The following KLF8 variants were observed in gnomAD, a reference collection of about 807,000 sequenced individuals.
The protein encoded by KLF8 is KLF transcription factor 8.
Under a neutral mutation model 18.2 loss-of-function variants are expected in KLF8, and 10 were observed. That is an observed-to-expected ratio of 0.55 (90% confidence interval 0.34 to 0.93). KLF8 has a LOEUF of 0.93. KLF8 is among the 40% of genes least tolerant of loss of function. The pLI is 0.02. For synonymous variants in KLF8, 109 were observed against 97.3 expected, an observed-to-expected ratio of 1.12 and a Z score of -0.71; for missense variants, 264 against 277.9, an observed-to-expected ratio of 0.95 and a Z score of 0.36.
At chrX:56,222,291 T>C in the KLF8 span, among the ~76,000 whole-genome samples, 1 of 105,483 alleles carries the variant, frequency 9.5e-6, no homozygotes, top group African/African-American at 3.5e-5. Flanking sequence ...TTGAGCTCGA[T>C]AGAGAGTGCC....
the KLF8 span, among the ~76,000 whole-genome samples, chrX:55,924,356 C>T: frequency 1.2e-4 from 14 of 112,076 alleles, no homozygotes; most frequent in East Asian, 3.4e-3. Flanking sequence ...GGATTACAGG[C>T]TTGAGCCACT....
At chrX:56,225,642 G>T in the KLF8 span, among the ~76,000 whole-genome samples, 16 of 111,966 alleles carry the variant, frequency 1.4e-4, no homozygotes, top group African/African-American at 5.2e-4. Flanking sequence ...CTTAGTCTGT[G>T]GCAAGTACTC....
chrX:56,014,817 G>GTTTTTTTTTTTTTTTTT, the KLF8 span: 2 of 59,370 alleles, frequency 3.4e-5, no homozygotes, highest in African/African-American at 7.2e-5. Context: ...ACAAGATCAT[G>GTTTTTTTTTTTTTTTTT]TTTTTTTTTT....
the KLF8 span, among the ~76,000 whole-genome samples, chrX:56,055,352 T>C: frequency 8.9e-6 from 1 of 112,108 alleles, no homozygotes; most frequent in African/African-American, 3.2e-5. Context: ...TTTGGCTATA[T>C]ATGAAATTCT....
chrX:56,043,941 C>T, the KLF8 span, among the ~76,000 whole-genome samples: 2 of 112,452 alleles, frequency 1.8e-5, no homozygotes, highest in African/African-American at 6.5e-5. Flanking sequence ...GTGGCTTTAT[C>T]TGCCTTCTAT....
chrX:56,093,905 ATGTGTGTGTGTGTGTGTGTGTGTGTG>A, the KLF8 span, among the ~76,000 whole-genome samples: 2 of 89,002 alleles, frequency 2.2e-5, no homozygotes, highest in African/African-American at 8.0e-5. Flanking sequence ...TATATATTAT[ATGTGTGTGTGTGTGTGTGTGTGTGTG>A]TGTGTGTGTG....
chrX:56,125,971 T>G, the KLF8 span, among the ~76,000 whole-genome samples: 1 of 112,400 alleles, frequency 8.9e-6, no homozygotes, highest in African/African-American at 3.2e-5. Context: ...ATTGTAGTGA[T>G]TTTTATAATA....
chrX:56,026,909 A>T, the KLF8 span, among the ~76,000 whole-genome samples: 1 of 112,865 alleles, frequency 8.9e-6, no homozygotes, highest in Non-Finnish European at 1.9e-5. Flanking sequence ...GAGCTACTCC[A>T]TAGGCTTGTA....
chrX:55,952,868 C>A, the KLF8 span, among the ~76,000 whole-genome samples: 233 of 111,535 alleles, frequency 2.1e-3, no homozygotes, highest in Middle Eastern at 9.2e-3. Context: ...TGCATTAATG[C>A]CATTATCTCA....
chrX:56,284,630 G>C lies in KLF8; in HGVS notation c.*136G>C. The stretch of plus-strand genomic sequence containing the variant: ...CCCACTGAGCCAAGTTGAGGAGACT[G>C]GAGGAAAAGAGAGCTGGTCTCCCGT... On this transcript the variant is annotated 3_prime_UTR_variant, in exon 6 of 6. Transcript: ENST00000468660. The C allele has an allele frequency of 2.2e-6, 1 of 448,326 alleles. No homozygotes were observed. The highest frequency in any genetic ancestry group is 4.3e-5 in the East Asian group (1 of 23,323). 36.9% of individuals were successfully genotyped at this position (448,326 alleles called of 1,213,427 possible). A position where few individuals can be genotyped will look rare whatever the true frequency, so the allele number is the denominator to read the frequency against.
the KLF8 span, among the ~76,000 whole-genome samples, chrX:56,165,395 A>T: frequency 1.8e-5 from 2 of 112,323 alleles, no homozygotes; most frequent in Non-Finnish European, 3.8e-5. Flanking sequence ...TGTAATGTGA[A>T]ACAATATCAG....
the KLF8 span, among the ~76,000 whole-genome samples, chrX:55,984,629 G>GGTATATTCCTTTGT: frequency 9.0e-6 from 1 of 111,065 alleles, no homozygotes; most frequent in South Asian, 3.8e-4. Flanking sequence ...TATTCCTTTG[G>GGTATATTCCTTTGT]GTATATAACC....
At chrX:56,121,601 G>T in the KLF8 span, among the ~76,000 whole-genome samples, 56 of 42,319 alleles carry the variant, frequency 1.3e-3, no homozygotes, top group African/African-American at 5.1e-3. Context: ...GCCTTCTTCA[G>T]CTTTTCTTTA....
the KLF8 span, among the ~76,000 whole-genome samples, chrX:56,021,943 T>C: frequency 2.9e-5 from 3 of 105,160 alleles, no homozygotes; most frequent in Non-Finnish European, 5.8e-5. Context: ...GTCCCAGAAA[T>C]GTGTGCAGAG....
the KLF8 span, among the ~76,000 whole-genome samples, chrX:56,100,399 A>T: frequency 8.9e-6 from 1 of 111,911 alleles, no homozygotes; most frequent in Admixed American, 9.5e-5. Context: ...TATGGCTAAG[A>T]CAACATCCAT....
the KLF8 span, among the ~76,000 whole-genome samples, chrX:56,156,710 C>A: frequency 9.3e-6 from 1 of 107,664 alleles, no homozygotes. Flanking sequence ...TCTCCTAATG[C>A]TATCCCTCCC....
At chrX:56,159,252 G>C in the KLF8 span, among the ~76,000 whole-genome samples, 3 of 111,803 alleles carry the variant, frequency 2.7e-5, no homozygotes, top group African/African-American at 9.7e-5. Flanking sequence ...TGATCATAGT[G>C]GACAAACTTT....
the KLF8 span, among the ~76,000 whole-genome samples, chrX:56,226,294 G>C: frequency 1.6e-4 from 18 of 112,232 alleles, no homozygotes; most frequent in Non-Finnish European, 2.6e-4. Context: ...AATTATTTAT[G>C]TTTTAACTTC....
chrX:56,223,607 T>C, the KLF8 span, among the ~76,000 whole-genome samples: 1 of 112,721 alleles, frequency 8.9e-6, no homozygotes, highest in Admixed American at 9.3e-5. Context: ...GTGGGTAAAG[T>C]TCACCTAGAT....
Sources: allele counts gnomAD v4.1 joint callset (sites outside exome capture counted in the v4.1 genomes callset), GRCh38; gene constraint gnomAD v4.1.1; transcripts MANE v1.5; gene names NCBI Gene and HGNC (gene_info 2026-07-23, HGNC 2026-07-21).